FLRT2: variants seen among roughly 807,000 people sequenced by gnomAD.
The protein encoded by FLRT2 is fibronectin leucine rich transmembrane protein 2.
FLRT2 carries 15 observed loss-of-function variants against 40.0 expected under a neutral mutation model. The observed-to-expected ratio is 0.38, with a 90% confidence interval of 0.25 to 0.58. The LOEUF (loss-of-function observed/expected upper bound fraction) is 0.58. Ranked by LOEUF, FLRT2 falls within the 20% of genes least tolerant of loss-of-function variation. The pLI, the probability that FLRT2 is intolerant of heterozygous loss-of-function variation, is 0.71. For missense variants in FLRT2, 726 were observed against 840.0 expected (o/e 0.86, Z 1.68); for synonymous variants, 380 against 336.8 (o/e 1.13, Z -1.41).
At chr14:85,567,271 G>A (rs1029389317) in intron 1 of FLRT2, among the ~76,000 whole-genome samples, 1 of 152,130 alleles carries the variant, frequency 6.6e-6, no homozygotes, top group Non-Finnish European at 1.5e-5. Flanking sequence ...TCCCTGGTGG[G>A]TGTCTGCTTG....
chr14:85,615,511 T>G (rs1225875532), intron 1 of FLRT2, among the ~76,000 whole-genome samples: 4 of 152,154 alleles, frequency 2.6e-5, no homozygotes, highest in Non-Finnish European at 5.9e-5. Flanking sequence ...TTCTTTCTCC[T>G]TTCCCTTGTT....
chr14:85,531,880 G>C (rs1888304074), intron 1 of FLRT2, among the ~76,000 whole-genome samples: 1 of 152,344 alleles, frequency 6.6e-6, no homozygotes, highest in African/African-American at 2.4e-5. Flanking sequence ...GTGTGCTCGC[G>C]TGTGTGAGCG....
At chr14:85,575,767 T>C (rs570506928) in intron 1 of FLRT2, among the ~76,000 whole-genome samples, 2 of 152,326 alleles carry the variant, frequency 1.3e-5, no homozygotes, top group South Asian at 4.1e-4. Context: ...CCTGGCTTTG[T>C]TGCCCTTCAC....
At chr14:85,611,887 A>G (rs1208387417) in intron 1 of FLRT2, among the ~76,000 whole-genome samples, 4 of 64,816 alleles carry the variant, frequency 6.2e-5, no homozygotes, top group African/African-American at 1.5e-4. Context: ...ATGTGAGGGG[A>G]GAGAGAGAGA....
intron 1 of FLRT2, among the ~76,000 whole-genome samples, chr14:85,607,815 A>T (rs995355326): frequency 6.6e-6 from 1 of 152,230 alleles, no homozygotes; most frequent in Admixed American, 6.5e-5. Context: ...TACTGCCCGA[A>T]CAAAGTACCA....
At chr14:85,596,548 T>TG (rs34584529) in intron 1 of FLRT2, among the ~76,000 whole-genome samples, 5,510 of 152,298 alleles carry the variant, frequency 0.036, 339 homozygotes, top group African/African-American at 0.13. Flanking sequence ...GATTTTAATG[T>TG]GGGAATTTAT....
Position 85,639,209 on chromosome 14 carries a change from G to A in FLRT2, c.*15712G>A, listed in dbSNP as rs1023110848. 1.3e-5 allele frequency: 2 copies of A among 152,206 alleles called. No individual in the cohort carries two copies. Among genetic ancestry groups the A allele is most frequent in the African/African-American group, 4.8e-5 (2 of 41,454 alleles). 9.4% of individuals were successfully genotyped at this position (152,206 alleles called of 1,614,324 possible). A position where few individuals can be genotyped will look rare whatever the true frequency, so the allele number is the denominator to read the frequency against. On this transcript the variant is annotated 3_prime_UTR_variant, in exon 2 of 2. Coordinates refer to ENST00000330753, the MANE Select transcript of FLRT2 (RefSeq NM_013231.6). Reference sequence around the variant, plus strand: ...GGGATTTGCTGGAAGCTGGGAAAGTGATGACTCTCATTCACTGTTGCCCTG... The same window carrying A: ...GGGATTTGCTGGAAGCTGGGAAAGTAATGACTCTCATTCACTGTTGCCCTG...
intron 1 of FLRT2, among the ~76,000 whole-genome samples, chr14:85,539,482 A>G (rs2139807200): frequency 6.6e-6 from 1 of 152,254 alleles, no homozygotes. Context: ...AATGAGTATA[A>G]TCCTATGATG....
At position 85,650,300 on chromosome 14, in the gene FLRT2, G is replaced by A. The variant is rs1240794606; in HGVS notation, c.*26803G>A. 1 of 151,742 alleles carries A rather than the reference G, an allele frequency of 6.6e-6. No homozygotes were observed. The highest frequency in any genetic ancestry group is 6.6e-5 in the Admixed American group (1 of 15,188). 9.4% of individuals were successfully genotyped at this position (151,742 alleles called of 1,614,324 possible). A position where few individuals can be genotyped will look rare whatever the true frequency, so the allele number is the denominator to read the frequency against. Reference sequence around the variant, plus strand: ...CTTTAATTCATTCATTGGCAATACAGTATAATATGTTATTGTATAGATACA... The same window carrying A: ...CTTTAATTCATTCATTGGCAATACAATATAATATGTTATTGTATAGATACA... On this transcript the variant is annotated 3_prime_UTR_variant, in exon 2 of 2. Coordinates refer to ENST00000330753, the MANE Select transcript of FLRT2 (RefSeq NM_013231.6).
chr14:85,535,908 T>G (rs1261263246), intron 1 of FLRT2, among the ~76,000 whole-genome samples: 45 of 80,034 alleles, frequency 5.6e-4, no homozygotes, highest in Middle Eastern at 4.8e-3. Flanking sequence ...TTTTTTTTTT[T>G]TTTTTTTTTT....
intron 1 of FLRT2, among the ~76,000 whole-genome samples, chr14:85,539,452 T>A (rs915017006): frequency 2.0e-5 from 3 of 152,142 alleles, no homozygotes; most frequent in Non-Finnish European, 4.4e-5. Context: ...TTAGATTAGA[T>A]GACAAGTTTA....
chr14:85,534,518 A>G (rs1888522124), intron 1 of FLRT2, among the ~76,000 whole-genome samples: 2 of 152,168 alleles, frequency 1.3e-5, no homozygotes, highest in Non-Finnish European at 2.9e-5. Context: ...GCATCATAAA[A>G]TAGGAACTTT....
At chr14:85,587,772 A>G (rs973824456) in intron 1 of FLRT2, among the ~76,000 whole-genome samples, 2 of 152,150 alleles carry the variant, frequency 1.3e-5, no homozygotes. Context: ...TTAATATGAG[A>G]ATATTTTTTA....
At chr14:85,567,635 A>ATTTTTTT (rs34161461) in intron 1 of FLRT2, among the ~76,000 whole-genome samples, 3 of 75,064 alleles carry the variant, frequency 4.0e-5, no homozygotes, top group African/African-American at 4.9e-5. Flanking sequence ...AGTGACTTAC[A>ATTTTTTT]TTTTTTTTTT....
chr14:85,612,901 T>A (rs986233570), intron 1 of FLRT2, among the ~76,000 whole-genome samples: 1 of 152,202 alleles, frequency 6.6e-6, no homozygotes, highest in Admixed American at 6.5e-5. Context: ...TCGACCGAAA[T>A]GTGTATTCCT....
intron 1 of FLRT2, among the ~76,000 whole-genome samples, chr14:85,568,546 G>A (rs748534754): frequency 1.1e-4 from 16 of 152,186 alleles, no homozygotes; most frequent in Non-Finnish European, 1.9e-4. Context: ...GCCTGGACCA[G>A]CTCTGGACCA....
chr14:85,602,108 TTAGA>T (rs1290809904), intron 1 of FLRT2, among the ~76,000 whole-genome samples: 1 of 152,204 alleles, frequency 6.6e-6, no homozygotes, highest in Non-Finnish European at 1.5e-5. Flanking sequence ...AAGTGTCTGC[TTAGA>T]TATATAGTGA....
intron 1 of FLRT2, among the ~76,000 whole-genome samples, chr14:85,619,756 G>T (rs1449433575): frequency 6.6e-6 from 1 of 152,242 alleles, no homozygotes; most frequent in East Asian, 1.9e-4. Flanking sequence ...AGCTTATTTT[G>T]TAGGGAAATC....
intron 1 of FLRT2, among the ~76,000 whole-genome samples, chr14:85,555,743 A>G (rs962959173): frequency 2.0e-5 from 2 of 101,642 alleles, no homozygotes; most frequent in Admixed American, 2.2e-4. Context: ...TTTTTTAGAG[A>G]TGAGGTCTCA....
Sources: gnomAD v4.1 joint callset for allele counts (sites outside exome capture counted in the v4.1 genomes callset) on GRCh38, gnomAD v4.1.1 for gene constraint, MANE v1.5 for transcripts, NCBI Gene and HGNC (gene_info 2026-07-23, HGNC 2026-07-21) for gene names.